Variants in DSCAML1 observed in about 807,000 individuals in gnomAD.
The protein encoded by DSCAML1 is DS cell adhesion molecule like 1, also known as cell adhesion molecule DSCAML1.
In DSCAML1, 38 loss-of-function variants were observed where a neutral mutation model predicts 200.5. The observed-to-expected ratio is 0.19, with a 90% confidence interval of 0.15 to 0.25. DSCAML1 has a LOEUF of 0.25. Among genes scored for constraint, DSCAML1 ranks in the 10% least tolerant of loss-of-function variants. The pLI, the probability that DSCAML1 is intolerant of heterozygous loss-of-function variation, is 1.00. For missense variants in DSCAML1, 2,223 were observed against 2,858.8 expected (o/e 0.78, Z 5.07); for synonymous variants, 1,215 against 1,165.0 (o/e 1.04, Z -0.87).
At chr11:117,460,350 G>C (rs1203956402) in intron 18 of DSCAML1, among the ~76,000 whole-genome samples, 1 of 152,166 alleles carries the variant, frequency 6.6e-6, no homozygotes, top group Non-Finnish European at 1.5e-5. Context: ...TACTGGCAGT[G>C]TGTCTGGGCA....
intron 3 of DSCAML1, among the ~76,000 whole-genome samples, chr11:117,564,705 T>TCTTCCTTCTTTCCTTTC (rs1336979624): frequency 3.3e-5 from 5 of 150,640 alleles, no homozygotes; most frequent in Admixed American, 2.6e-4. Context: ...TTCCTTCCTT[T>TCTTCCTTCTTTCCTTTC]CTTCCTTCTT....
chr11:117,688,172 GATA>G (rs926653427), intron 3 of DSCAML1, among the ~76,000 whole-genome samples: 3 of 152,248 alleles, frequency 2.0e-5, no homozygotes, highest in African/African-American at 7.2e-5. Context: ...TGTCTGGGAA[GATA>G]ATGACTTAGA....
chr11:117,812,409 A>G lies in DSCAML1; in HGVS notation c.-250+4981T>C, dbSNP rs1308762633. Among the ~76,000 whole-genome samples the G allele has an allele frequency of 3.3e-5, 5 of 152,238 alleles. No homozygotes were observed. The South Asian group carries it at 8.3e-4, about 25-fold the overall frequency. ...AGCCTTACAAGTTAGTTCAGGATCT[A>G]TGCCTTATCAACCAAATTGTTTTGC... On this transcript the variant is annotated intron_variant, in intron 1 of 2. Transcript: ENST00000525836.
intron 3 of DSCAML1, among the ~76,000 whole-genome samples, chr11:117,543,394 GCATGT>G (rs765664900): frequency 6.6e-5 from 10 of 151,088 alleles, no homozygotes; most frequent in Middle Eastern, 3.4e-3. Flanking sequence ...ATCTGTGCTG[GCATGT>G]TGTGTACCTG....
chr11:117,607,528 G>C (rs1239790563), intron 3 of DSCAML1, among the ~76,000 whole-genome samples: 4 of 152,212 alleles, frequency 2.6e-5, no homozygotes, highest in Non-Finnish European at 4.4e-5. Context: ...GCAGAGCTCT[G>C]GTGAAGGGAC....
intron 3 of DSCAML1, among the ~76,000 whole-genome samples, chr11:117,653,643 T>C (rs2052677102): frequency 6.6e-6 from 1 of 152,152 alleles, no homozygotes; most frequent in African/African-American, 2.4e-5. Flanking sequence ...GAAAACTGTC[T>C]GGCAGCTCCT....
At chr11:117,539,606 CAAAAAAA>C (rs35130897) in intron 3 of DSCAML1, among the ~76,000 whole-genome samples, 30 of 52,606 alleles carry the variant, frequency 5.7e-4, no homozygotes, top group East Asian at 3.4e-3. Flanking sequence ...AAAACTCTGT[CAAAAAAA>C]AAAAAAAAAA....
intron 1 of DSCAML1, among the ~76,000 whole-genome samples, chr11:117,809,838 CAGTCACAT>C (rs2055741778): frequency 6.6e-6 from 1 of 152,086 alleles, no homozygotes. Flanking sequence ...CAAACTCACA[CAGTCACAT>C]ACACACTCAC....
intron 18 of DSCAML1, 61 bp from the exon 19 acceptor site, chr11:117,458,970 C>T: frequency 1.3e-6 from 2 of 1,576,826 alleles, no homozygotes; most frequent in Non-Finnish European, 1.7e-6. Flanking sequence ...CCTGCTGCTA[C>T]CCCTGCTGCC....
At chr11:117,718,320 G>A (rs1487891720) in intron 3 of DSCAML1, among the ~76,000 whole-genome samples, 1 of 152,186 alleles carries the variant, frequency 6.6e-6, no homozygotes, top group East Asian at 1.9e-4. Flanking sequence ...TGGCCTCAGT[G>A]ACTCCAGGCA....
At chr11:117,487,544 C>T (rs992331508) in intron 11 of DSCAML1, among the ~76,000 whole-genome samples, 3 of 152,164 alleles carry the variant, frequency 2.0e-5, no homozygotes, top group Admixed American at 6.5e-5. Context: ...GAACACACAG[C>T]GATGCTGTGA....
intron 3 of DSCAML1, among the ~76,000 whole-genome samples, chr11:117,559,559 C>T (rs1479548924): frequency 3.9e-5 from 6 of 152,194 alleles, no homozygotes; most frequent in Non-Finnish European, 8.8e-5. Flanking sequence ...TAAGCCCTTG[C>T]TTGTAAGCCA....
intron 3 of DSCAML1, among the ~76,000 whole-genome samples, chr11:117,596,265 C>A (rs1321144667): frequency 6.6e-6 from 1 of 152,142 alleles, no homozygotes; most frequent in Non-Finnish European, 1.5e-5. Flanking sequence ...AATTGCTACT[C>A]TTAAGTCCAG....
At chr11:117,492,278 A>C (rs2049197037) in intron 11 of DSCAML1, among the ~76,000 whole-genome samples, 2 of 152,226 alleles carry the variant, frequency 1.3e-5, no homozygotes, top group African/African-American at 4.8e-5. Flanking sequence ...TTCATCAGGA[A>C]GGGACTTGAC....
Position 117,480,364 on chromosome 11 carries a change from TC to T in DSCAML1, c.2785+78del. ...CAGCCCTAAGGCTCAGGGGCTCTCCTCCCAGAGGGCACAGGCAGGACACGTG... is the reference window on the plus strand; with the variant it reads ...CAGCCCTAAGGCTCAGGGGCTCTCCTCCAGAGGGCACAGGCAGGACACGTG... On this transcript the variant is annotated intron_variant, in intron 14 of 32. Coordinates refer to ENST00000651296, the MANE Select transcript of DSCAML1 (RefSeq NM_020693.4). This position sits in a 1 kb window ranked among gnomAD's most constrained non-coding sequence, Gnocchi z 4.1. The T allele has an allele frequency of 6.3e-7, 1 of 1,581,390 alleles. No homozygotes were observed. Among genetic ancestry groups the T allele is most frequent in the African/African-American group, 1.3e-5 (1 of 74,538 alleles).
At chr11:117,559,068 G>A (rs1236084948) in intron 3 of DSCAML1, among the ~76,000 whole-genome samples, 1 of 152,040 alleles carries the variant, frequency 6.6e-6, no homozygotes, top group East Asian at 1.9e-4. Context: ...AAGTTGGGAA[G>A]GACAACAGAC....
rs748728245 is a variant in DSCAML1 at position 117,532,494 on chromosome 11, G to A, written c.540C>T (p.Gly180=). The A allele has an allele frequency of 5.0e-6, 8 of 1,613,856 alleles. No homozygotes were observed. Among genetic ancestry groups the A allele is most frequent in the East Asian group, 2.2e-5 (1 of 44,872 alleles). Reference sequence around the variant, plus strand: ...TCTGTACGTCAGAGATGTACAGCCCGCCGTGGTAGGTAATAAAAAACCTGT... The same window carrying A: ...TCTGTACGTCAGAGATGTACAGCCCACCGTGGTAGGTAATAAAAAACCTGT... The part of the protein sequence containing the change: ...PEHRFFITYH[G]GLYISDVQKE... Residue 180 remains glycine, a synonymous_variant, in exon 4 of 33, where the codon GGC becomes GGT. Transcript: ENST00000651296.
chr11:117,816,736 G>A (rs1451250030), intron 1 of DSCAML1, among the ~76,000 whole-genome samples: 3 of 150,246 alleles, frequency 2.0e-5, no homozygotes, highest in Non-Finnish European at 4.4e-5. Flanking sequence ...CAGTGGAGAC[G>A]CTCAGTTCTT....
chr11:117,612,312 C>T (rs906227562), intron 3 of DSCAML1, among the ~76,000 whole-genome samples: 2 of 152,188 alleles, frequency 1.3e-5, no homozygotes, highest in Non-Finnish European at 2.9e-5. Context: ...ATTCCCACGC[C>T]GGAACCCAGG....
Sources: gnomAD v4.1 joint callset for allele counts (sites outside exome capture counted in the v4.1 genomes callset) on GRCh38, gnomAD v4.1.1 for gene constraint, Gnocchi (gnomAD v3.1) non-coding constraint, MANE v1.5 for transcripts, NCBI Gene and HGNC (gene_info 2026-07-23, HGNC 2026-07-21) for gene names.